Variants in CA5A observed in about 807,000 individuals in gnomAD.
CA5A encodes carbonic anhydrase 5A, mitochondrial.
Under a neutral mutation model 37.1 loss-of-function variants are expected in CA5A, and 28 were observed. The ratio of observed to expected loss-of-function variants is 0.75; its 90% CI spans 0.56 to 1.03. The LOEUF is 1.03. Ranked by LOEUF, CA5A falls within the 50% of genes least tolerant of loss-of-function variation. CA5A has a pLI of 0.00. For synonymous variants in CA5A, 171 were observed against 158.4 expected (o/e 1.08, Z -0.60); for missense variants, 444 against 399.9 (o/e 1.11, Z -0.94).
chr16:87,902,918 A>G (rs1184366161), intron 3 of CA5A, among the ~76,000 whole-genome samples: 2 of 151,692 alleles, frequency 1.3e-5, no homozygotes, highest in Non-Finnish European at 2.9e-5. Flanking sequence ...TCTCACAAAA[A>G]AAAAAAAAAA....
At chr16:87,924,155 C>G (rs1490421301) in intron 2 of CA5A, 1 of 985,316 alleles carries the variant, frequency 1.0e-6, no homozygotes, top group African/African-American at 1.7e-5. Flanking sequence ...TTTCCCTCTT[C>G]TTCTCCGAGC....
At chr16:87,917,091 C>A (rs59497682) in intron 2 of CA5A, among the ~76,000 whole-genome samples, 4 of 131,760 alleles carry the variant, frequency 3.0e-5, no homozygotes, top group Non-Finnish European at 6.2e-5. Flanking sequence ...GGTGACAGAG[C>A]GAGAGTCTGT....
chr16:87,885,980 C>G (rs1038543536), downstream of CA5A: 1 of 151,964 alleles, frequency 6.6e-6, no homozygotes, highest in Non-Finnish European at 1.5e-5. Context: ...TAGAGCCTGC[C>G]ACGTAATTGG....
chr16:87,896,951 C>T (rs2055811150), intron 5 of CA5A, among the ~76,000 whole-genome samples: 4 of 152,240 alleles, frequency 2.6e-5, no homozygotes, highest in Admixed American at 2.6e-4. Context: ...GTTTTGTCTT[C>T]TTTCTCTTAA....
At chr16:87,903,507 AT>A (rs1450664768) in intron 3 of CA5A, among the ~76,000 whole-genome samples, 1 of 152,212 alleles carries the variant, frequency 6.6e-6, no homozygotes, top group Non-Finnish European at 1.5e-5. Context: ...AGATACTAAA[AT>A]AAAAGTCATG....
chr16:87,912,914 G>A (rs1439152120), intron 2 of CA5A, among the ~76,000 whole-genome samples: 2 of 152,234 alleles, frequency 1.3e-5, no homozygotes, highest in African/African-American at 4.8e-5. Flanking sequence ...GCAGGAGATG[G>A]GATTACAGGG....
chr16:87,924,456 G>A lies in CA5A; in HGVS notation c.340+2292C>T, dbSNP rs376730283. On this transcript the variant is annotated intron_variant, in intron 2 of 6. Coordinates refer to ENST00000649794, the MANE Select transcript of CA5A (RefSeq NM_001739.2). The stretch of plus-strand genomic sequence containing the variant: ...GCCCCCAACAGCAGGTGCATTAGAG[G>A]CAGGAGCAGGCTCAGGCTGGGCCTC... The A allele has an allele frequency of 5.7e-4, 190 of 333,054 alleles. 6 individuals are homozygous for A. In the East Asian group the frequency reaches 0.026, roughly 45 times the overall value. The allele number at this position is 333,054 out of a possible 1,614,324, so 20.6% of individuals were successfully genotyped here.
At chr16:87,926,590 C>A (rs923607003) in intron 2 of CA5A, among the ~76,000 whole-genome samples, 158 bp downstream of exon 2, 7 of 152,218 alleles carry the variant, frequency 4.6e-5, no homozygotes, top group African/African-American at 1.7e-4. Flanking sequence ...ACACCATCCC[C>A]CAGGTGTGTC....
intron 2 of CA5A, among the ~76,000 whole-genome samples, chr16:87,920,376 A>G (rs1597577630): frequency 6.6e-6 from 1 of 151,596 alleles, no homozygotes; most frequent in East Asian, 1.9e-4. Context: ...GCAGTGGTGC[A>G]ATCTCAGCTC....
Position 87,926,729 on chromosome 16 carries a change from A to AT in CA5A, c.340+18_340+19insA. 6.2e-7 allele frequency: 1 copy of AT among 1,600,242 alleles called. No individual in the cohort carries two copies. Among genetic ancestry groups the AT allele is most frequent in the Non-Finnish European group, 8.6e-7 (1 of 1,169,456 alleles). On this transcript the variant is annotated intron_variant, in intron 2 of 6. Transcript: ENST00000649794. ...ACAACGGGAGAGGACAAAGCCCTCGAGCCCCAGCTGGCACTCACCTGATGC... is the reference window on the plus strand; with the variant it reads ...ACAACGGGAGAGGACAAAGCCCTCGATGCCCCAGCTGGCACTCACCTGATGC...
In CA5A at chr16:87,915,022, C is replaced by T. The variant is rs138099200; in HGVS notation, c.341-10118G>A. ...AGCGATGGGGCCAGCATGGCCGCCG[C>T]ACCACCAGCTCCATCCTGAGCGTTT... On this transcript the variant is annotated intron_variant, in intron 2 of 6. Transcript: ENST00000649794. 4.0e-3 allele frequency among the ~76,000 whole-genome samples: 604 copies of T among 152,376 alleles called. 3 individuals are homozygous for T. Among genetic ancestry groups the T allele is most frequent in the African/African-American group, 0.014 (578 of 41,592 alleles).
At chr16:87,916,401 C>T (rs1468688817) in intron 2 of CA5A, among the ~76,000 whole-genome samples, 3 of 152,010 alleles carry the variant, frequency 2.0e-5, no homozygotes, top group Admixed American at 1.3e-4. Context: ...TATTTTAAAA[C>T]GGTGATGCTG....
chr16:87,933,098 G>A (rs190605814), intron 1 of CA5A, among the ~76,000 whole-genome samples: 10 of 152,178 alleles, frequency 6.6e-5, no homozygotes, highest in South Asian at 2.1e-4. Context: ...CGGTCAGCCC[G>A]GGGGGAGCCA....
chr16:87,919,383 C>T (rs541237087), intron 2 of CA5A, among the ~76,000 whole-genome samples: 13 of 152,330 alleles, frequency 8.5e-5, no homozygotes, highest in African/African-American at 2.2e-4. Context: ...GCTGGCCAGA[C>T]GAGCAGCCAA....
chr16:87,936,373 A>G lies in CA5A; in HGVS notation c.78T>C (p.Arg26=). 6.2e-7 allele frequency: 1 copy of G among 1,614,012 alleles called. No individual in the cohort carries two copies. The highest frequency in any genetic ancestry group is 1.1e-5 in the South Asian group (1 of 91,072). ...AACACCATCGCCCTGGCCTCATCGA[A>G]CGACTCCAGAGAGGGGCCCACATCT... ...VEQMWAPLWS[R]SMRPGRWCSQ... Residue 26 remains arginine, a synonymous_variant, in exon 1 of 7, where the codon CGT becomes CGC. Transcript: ENST00000649794.
At chr16:87,893,179 G>A (rs1009263026) in intron 5 of CA5A, 1 of 425,882 alleles carries the variant, frequency 2.3e-6, no homozygotes, top group Non-Finnish European at 4.2e-6. Context: ...CCAGGCTGGA[G>A]TGCAGTGGTG....
chr16:87,915,978 G>C (rs566008856), intron 2 of CA5A, among the ~76,000 whole-genome samples: 33 of 151,996 alleles, frequency 2.2e-4, no homozygotes, highest in Non-Finnish European at 2.4e-4. Flanking sequence ...GGGAGGCCTC[G>C]CAATCACGGC....
At chr16:87,910,498 C>T (rs76253826) in intron 2 of CA5A, among the ~76,000 whole-genome samples, 1 of 152,188 alleles carries the variant, frequency 6.6e-6, no homozygotes, top group African/African-American at 2.4e-5. Context: ...TAGTAGGGTT[C>T]AGGCCAAACT....
intron 2 of CA5A, among the ~76,000 whole-genome samples, chr16:87,909,397 G>A (rs2056015768): frequency 6.6e-6 from 1 of 152,188 alleles, no homozygotes; most frequent in Non-Finnish European, 1.5e-5. Flanking sequence ...GGGTCTCTCT[G>A]GCTCTATGAT....
Sources: allele counts gnomAD v4.1 joint callset (sites outside exome capture counted in the v4.1 genomes callset), GRCh38; gene constraint gnomAD v4.1.1; transcripts MANE v1.5; gene names NCBI Gene and HGNC (gene_info 2026-07-23, HGNC 2026-07-21).